The following MYCBP2 variants were observed in gnomAD, a reference collection of about 807,000 sequenced individuals.
MYCBP2 encodes MYC binding protein 2, also known as E3 ubiquitin-protein ligase MYCBP2.
In MYCBP2, 120 loss-of-function variants were observed where a neutral mutation model predicts 525.3. That is an observed-to-expected ratio of 0.23 (90% CI 0.20 to 0.27). The LOEUF (loss-of-function observed/expected upper bound fraction) is 0.27. Ranked by LOEUF, MYCBP2 falls within the 10% of genes least tolerant of loss-of-function variation. The pLI is 1.00. For missense variants in MYCBP2, 4,149 were observed against 5,657.1 expected (o/e 0.73, Z 8.55); for synonymous variants, 1,894 against 1,955.8 (o/e 0.97, Z 0.83).
chr13:77,245,376 T>G (rs547094099), intron 15 of MYCBP2, among the ~76,000 whole-genome samples: 2 of 151,832 alleles, frequency 1.3e-5, no homozygotes, highest in Non-Finnish European at 1.5e-5. Flanking sequence ...CAATGATAGG[T>G]TGGATAAAGA....
chr13:77,269,785 T>C (rs1159674446), intron 7 of MYCBP2, among the ~76,000 whole-genome samples: 1 of 152,158 alleles, frequency 6.6e-6, no homozygotes, highest in Non-Finnish European at 1.5e-5. Context: ...ATACAGCTAG[T>C]AGGAAGCAGG....
intron 38 of MYCBP2, 109 bp downstream of exon 38, chr13:77,171,383 T>G (rs2059128377): frequency 8.9e-7 from 1 of 1,124,094 alleles, no homozygotes; most frequent in East Asian, 2.4e-5. Context: ...TAAATAACAC[T>G]TAGATTCTAT....
intron 68 of MYCBP2, among the ~76,000 whole-genome samples, chr13:77,071,127 C>T (rs1035415697): frequency 7.0e-6 from 1 of 143,414 alleles, no homozygotes; most frequent in Non-Finnish European, 1.5e-5. Context: ...TATCGGAACA[C>T]CAAGTCATCA....
Position 77,128,428 on chromosome 13 carries a change from T to G in MYCBP2, c.7660-1886A>C, listed in dbSNP as rs544342050. Among the ~76,000 whole-genome samples, 52 of 151,976 alleles carry G rather than the reference T, an allele frequency of 3.4e-4. No homozygotes were observed. In the South Asian group the frequency reaches 0.01, roughly 30 times the overall value. ...AATATTCCTAGTGCATTTAATTAAT[T>G]ATAACAATAATTCTAACTTTTGATC... On this transcript the variant is annotated intron_variant, in intron 52 of 82. Transcript: ENST00000544440.
rs527430326 is a variant in MYCBP2, at chr13:77,069,868, G to A, written c.11904+763C>T. On this transcript the variant is annotated intron_variant, in intron 69 of 82. Transcript: ENST00000544440. ...GGGCAACAGAGCGAGACTCCCTCTCGAAAAAAAAAAAAGTTAGAATAATAG... is the reference window on the plus strand; with the variant it reads ...GGGCAACAGAGCGAGACTCCCTCTCAAAAAAAAAAAAAGTTAGAATAATAG... 1.8e-3 allele frequency among the ~76,000 whole-genome samples: 254 copies of A among 141,642 alleles called. 1 individual carries two copies. The highest frequency in any genetic ancestry group is 6.3e-3 in the African/African-American group (245 of 38,734). The allele number at this position is 141,642 out of a possible 152,430, so 92.9% of individuals were successfully genotyped here.
chr13:77,217,439 A>C (rs1457601139), intron 21 of MYCBP2, among the ~76,000 whole-genome samples: 1 of 152,226 alleles, frequency 6.6e-6, no homozygotes, highest in Non-Finnish European at 1.5e-5. Context: ...AATTTTAAAC[A>C]AATCAAATAA....
chr13:77,139,916 AAT>A, intron 51 of MYCBP2, 129 bp downstream of exon 51: 3 of 565,714 alleles, frequency 5.3e-6, no homozygotes, highest in Non-Finnish European at 9.3e-6. Flanking sequence ...CATTCTATAA[AAT>A]AGTTTTAAAA....
intron 1 of MYCBP2, among the ~76,000 whole-genome samples, chr13:77,300,323 C>T (rs2078642511): frequency 2.0e-5 from 3 of 152,182 alleles, no homozygotes; most frequent in African/African-American, 7.2e-5. Flanking sequence ...TTGTGAGTCA[C>T]AAGATCTCTG....
intron 55 of MYCBP2, among the ~76,000 whole-genome samples, chr13:77,107,729 T>C (rs921185949): frequency 3.3e-5 from 5 of 151,778 alleles, no homozygotes; most frequent in Non-Finnish European, 7.4e-5. Flanking sequence ...CAGAGTGAAA[T>C]TGTCTCAAAA....
Position 77,174,346 on chromosome 13 carries a change from T to C in MYCBP2, c.5616A>G (p.Gln1872=). 6.2e-7 allele frequency: 1 copy of C among 1,614,158 alleles called. No homozygotes were observed. The highest frequency in any genetic ancestry group is 2.2e-5 in the East Asian group (1 of 44,872). The change falls in exon 37 of 83, where the codon CAA becomes CAG. Residue 1872 remains glutamine (Q), a synonymous_variant. Transcript: ENST00000544440. ...TCSLSSNGTN[Q]TRGQIPQILY... ...GTATCTGTGGGATCTGTCCTCTGGT[T>C]TGGTTTGTGCCGTTACTGCTCAAGC...
intron 10 of MYCBP2, among the ~76,000 whole-genome samples, chr13:77,263,160 C>A (rs2073576678): frequency 6.6e-6 from 1 of 151,922 alleles, no homozygotes; most frequent in South Asian, 2.1e-4. Context: ...GATTACTGAT[C>A]CGTGTGTAAG....
rs766415709 is a variant in MYCBP2, at chr13:77,088,963, G to T, written c.10594C>A (p.Leu3532Ile). ...LSRLISAHSSLSKGERNFQWP... is the reference protein window; with the variant it reads ...LSRLISAHSSISKGERNFQWP... ...TGGAAATTTCGTTCTCCTTTAGAAAGAGAGCTGTGGGCTGAGATTAGCCGA... is the reference window on the plus strand; with the variant it reads ...TGGAAATTTCGTTCTCCTTTAGAAATAGAGCTGTGGGCTGAGATTAGCCGA... The change falls in exon 61 of 83, where the codon CTT becomes ATT. Residue 3532 changes from leucine (L) to isoleucine (I), a missense_variant. Around this residue, in one of 21 missense-constraint regions of MYCBP2, gnomAD observed 509 missense variants for 789.4 expected, o/e 0.64. Coordinates refer to ENST00000544440, the MANE Select transcript of MYCBP2 (RefSeq NM_015057.5). 6.2e-7 allele frequency: 1 copy of T among 1,613,538 alleles called. No homozygotes were observed. Among genetic ancestry groups the T allele is most frequent in the Admixed American group, 1.7e-5 (1 of 59,948 alleles).
chr13:77,082,866 G>A (rs2043540643), intron 63 of MYCBP2, 166 bp downstream of exon 63: 2 of 549,156 alleles, frequency 3.6e-6, no homozygotes, highest in African/African-American at 1.9e-5. Flanking sequence ...TAACTAAGAG[G>A]AAGGACCATT....
chr13:77,319,153 G>A (rs544938038), intron 1 of MYCBP2, among the ~76,000 whole-genome samples: 13 of 152,094 alleles, frequency 8.5e-5, no homozygotes, highest in South Asian at 6.2e-4. Flanking sequence ...TCCTCCCTTC[G>A]CAGATCCAGC....
At chr13:77,285,312 C>T (rs1460577775) in intron 3 of MYCBP2, among the ~76,000 whole-genome samples, 1 of 152,186 alleles carries the variant, frequency 6.6e-6, no homozygotes, top group African/African-American at 2.4e-5. Context: ...CACACATACA[C>T]AGAATTGGTA....
At chr13:77,169,505 A>T in intron 39 of MYCBP2, 109 bp downstream of exon 39, 1 of 809,418 alleles carries the variant, frequency 1.2e-6, no homozygotes, top group Non-Finnish European at 2.1e-6. Flanking sequence ...TGTTACCTAT[A>T]TCCCAGATGC....
chr13:77,294,002 A>G (rs1019249831), intron 2 of MYCBP2, among the ~76,000 whole-genome samples: 4 of 149,942 alleles, frequency 2.7e-5, no homozygotes, highest in Non-Finnish European at 4.4e-5. Context: ...AAAAAGAAAG[A>G]CTGGTATCTA....
chr13:77,124,073 A>G (rs1185039298), intron 54 of MYCBP2, among the ~76,000 whole-genome samples: 2 of 152,154 alleles, frequency 1.3e-5, no homozygotes, highest in Non-Finnish European at 2.9e-5. Context: ...AAACAAGGAG[A>G]GGAGGTAGGT....
At chr13:77,223,070 G>A (rs1306642676) in intron 20 of MYCBP2, among the ~76,000 whole-genome samples, 3 of 152,170 alleles carry the variant, frequency 2.0e-5, no homozygotes, top group Non-Finnish European at 4.4e-5. Context: ...TGTTTCCATG[G>A]TGAGACAACC....
Sources: allele counts gnomAD v4.1 joint callset (sites outside exome capture counted in the v4.1 genomes callset), GRCh38; gene constraint gnomAD v4.1.1; regional missense constraint gnomAD v4.1.1; transcripts MANE v1.5; gene names NCBI Gene and HGNC (gene_info 2026-07-23, HGNC 2026-07-21).